GRIK2: variants seen among roughly 807,000 people sequenced by gnomAD.
GRIK2 encodes the protein glutamate ionotropic receptor kainate type subunit 2, also known as glutamate receptor ionotropic, kainate 2.
A neutral mutation model predicts 100.3 loss-of-function variants in GRIK2; 32 were observed. The observed-to-expected ratio is 0.32, with a 90% CI of 0.24 to 0.43. The LOEUF (loss-of-function observed/expected upper bound fraction) is 0.43. Among genes scored for constraint, GRIK2 ranks in the 20% least tolerant of loss-of-function variants. GRIK2 has a pLI of 1.00. For missense variants in GRIK2, 843 were observed against 1,114.9 expected (o/e 0.76, Z 3.47); for synonymous variants, 417 against 389.4 (o/e 1.07, Z -0.83).
At chr6:101,651,500 GT>G (rs1168294135) in intron 4 of GRIK2, among the ~76,000 whole-genome samples, 6 of 152,088 alleles carry the variant, frequency 3.9e-5, no homozygotes, top group African/African-American at 1.4e-4. Context: ...TCATAAATAT[GT>G]AAATTGTAGA....
chr6:101,723,507 G>C (rs549344280), intron 7 of GRIK2, among the ~76,000 whole-genome samples: 1 of 152,092 alleles, frequency 6.6e-6, no homozygotes, highest in Non-Finnish European at 1.5e-5. Context: ...ATGTTTATCT[G>C]AGAAATACCT....
intron 2 of GRIK2, among the ~76,000 whole-genome samples, chr6:101,596,953 A>G (rs1171206668): frequency 6.6e-6 from 1 of 151,954 alleles, no homozygotes; most frequent in East Asian, 1.9e-4. Flanking sequence ...TGTTAATCAC[A>G]GCAGTATTCA....
At chr6:101,772,856 A>G (rs1463229060) in intron 7 of GRIK2, among the ~76,000 whole-genome samples, 2 of 152,086 alleles carry the variant, frequency 1.3e-5, no homozygotes, top group African/African-American at 2.4e-5. Flanking sequence ...CATTGCATTA[A>G]AATTTTGGTT....
intron 2 of GRIK2, among the ~76,000 whole-genome samples, chr6:101,473,606 T>C (rs550250406): frequency 1.3e-5 from 2 of 151,982 alleles, no homozygotes; most frequent in African/African-American, 4.8e-5. Flanking sequence ...AATTCTTATA[T>C]ATTATTTTTC....
chr6:101,591,741 A>T (rs1156766788), intron 2 of GRIK2, among the ~76,000 whole-genome samples: 2 of 152,052 alleles, frequency 1.3e-5, no homozygotes, highest in African/African-American at 4.8e-5. Context: ...CAGAATAACA[A>T]TTAACCTTAA....
chr6:101,749,301 A>T (rs1028563190), intron 7 of GRIK2, among the ~76,000 whole-genome samples: 1 of 151,870 alleles, frequency 6.6e-6, no homozygotes, highest in Non-Finnish European at 1.5e-5. Flanking sequence ...TAGACACAAG[A>T]TTTCACCATG....
chr6:101,448,521 T>C (rs1313837060), intron 2 of GRIK2, among the ~76,000 whole-genome samples: 1 of 151,766 alleles, frequency 6.6e-6, no homozygotes, highest in East Asian at 1.9e-4. Flanking sequence ...TCAGTTTCTT[T>C]ATTTATATAA....
intron 11 of GRIK2, among the ~76,000 whole-genome samples, chr6:101,881,291 T>C (rs1786224974): frequency 6.6e-6 from 1 of 151,902 alleles, no homozygotes; most frequent in Non-Finnish European, 1.5e-5. Context: ...ATTTTATATA[T>C]AGGTAATTAT....
At chr6:102,008,273 A>C (rs1204826184) in intron 14 of GRIK2, among the ~76,000 whole-genome samples, 1 of 152,070 alleles carries the variant, frequency 6.6e-6, no homozygotes. Context: ...TAGAAAGAGG[A>C]CTTGGAAGAC....
intron 2 of GRIK2, among the ~76,000 whole-genome samples, chr6:101,445,278 G>A (rs914531248): frequency 2.0e-5 from 3 of 152,024 alleles, no homozygotes; most frequent in African/African-American, 7.2e-5. Context: ...AAAGCTGATG[G>A]TGGTTGTCTC....
chr6:101,689,738 C>T (rs1387263664), intron 7 of GRIK2, among the ~76,000 whole-genome samples: 1 of 152,082 alleles, frequency 6.6e-6, no homozygotes, highest in Middle Eastern at 3.2e-3. Context: ...TTTCTTTTAA[C>T]ATATGATATC....
chr6:101,757,078 G>A (rs775834206), intron 7 of GRIK2, among the ~76,000 whole-genome samples: 1 of 152,054 alleles, frequency 6.6e-6, no homozygotes, highest in Non-Finnish European at 1.5e-5. Flanking sequence ...AGCTTTAAAT[G>A]GGACATATAT....
chr6:101,493,412 A>C (rs1773249163), intron 2 of GRIK2, among the ~76,000 whole-genome samples: 1 of 152,108 alleles, frequency 6.6e-6, no homozygotes, highest in South Asian at 2.1e-4. Context: ...CTGACAGCTA[A>C]CTTCTGGATA....
At chr6:101,844,556 G>A (rs1783697307) in intron 10 of GRIK2, among the ~76,000 whole-genome samples, 1 of 152,150 alleles carries the variant, frequency 6.6e-6, no homozygotes, top group African/African-American at 2.4e-5. Flanking sequence ...ATAAGCACTA[G>A]TAAAGAACAA....
intron 7 of GRIK2, among the ~76,000 whole-genome samples, chr6:101,741,839 A>T (rs1455020306): frequency 2.6e-5 from 4 of 152,224 alleles, no homozygotes; most frequent in African/African-American, 9.6e-5. Context: ...TGAGAAAATG[A>T]CACACAACTA....
intron 11 of GRIK2, among the ~76,000 whole-genome samples, chr6:101,864,371 T>C (rs1411825572): frequency 3.9e-5 from 6 of 152,132 alleles, no homozygotes; most frequent in Non-Finnish European, 7.4e-5. Flanking sequence ...CCCTCATGCT[T>C]CAGTGTATGA....
chr6:101,837,186 A>G (rs1783181769), intron 10 of GRIK2, among the ~76,000 whole-genome samples: 1 of 152,150 alleles, frequency 6.6e-6, no homozygotes, highest in Admixed American at 6.6e-5. Flanking sequence ...TTTGTTTTAA[A>G]CATTGATGTC....
intron 7 of GRIK2, among the ~76,000 whole-genome samples, chr6:101,736,570 C>T (rs1221425177): frequency 6.6e-6 from 1 of 152,096 alleles, no homozygotes; most frequent in Non-Finnish European, 1.5e-5. Flanking sequence ...TCTACATTGG[C>T]CCCTTTCAGC....
intron 14 of GRIK2, among the ~76,000 whole-genome samples, chr6:101,929,685 A>C (rs1790136745): frequency 2.0e-5 from 3 of 152,150 alleles, no homozygotes. Flanking sequence ...ATTTTGTCAA[A>C]TTATGCAACT....
Sources: allele counts gnomAD v4.1 joint callset (sites outside exome capture counted in the v4.1 genomes callset), GRCh38; gene constraint gnomAD v4.1.1; transcripts MANE v1.5; gene names NCBI Gene and HGNC (gene_info 2026-07-23, HGNC 2026-07-21).